The following CD226 variants were observed in gnomAD, a reference collection of about 807,000 sequenced individuals.
The protein encoded by CD226 is CD226 antigen.
CD226 carries 24 observed loss-of-function variants against 34.9 expected under a neutral mutation model. The observed-to-expected ratio is 0.69, with a 90% CI of 0.50 to 0.97. CD226 has a LOEUF of 0.97. Among genes scored for constraint, CD226 ranks in the 50% least tolerant of loss-of-function variants. The pLI is 0.00. For missense variants in CD226, 397 were observed against 412.7 expected, an observed-to-expected ratio of 0.96 and a Z score of 0.33; for synonymous variants, 148 against 147.4, an observed-to-expected ratio of 1.00 and a Z score of -0.03.
intron 3 of CD226, among the ~76,000 whole-genome samples, chr18:69,875,279 A>C (rs1253768569): frequency 6.6e-6 from 1 of 152,196 alleles, no homozygotes; most frequent in Admixed American, 6.5e-5. Context: ...CTGGGATTAC[A>C]GGCACCTGCC....
intron 2 of CD226, among the ~76,000 whole-genome samples, chr18:69,942,756 G>A (rs1248701696): frequency 6.6e-6 from 1 of 152,082 alleles, no homozygotes; most frequent in Non-Finnish European, 1.5e-5. Flanking sequence ...CAGAGCCCAG[G>A]GTGAGAACCA....
At chr18:69,896,603 G>C (rs1453192773) in intron 2 of CD226, among the ~76,000 whole-genome samples, 3 of 152,048 alleles carry the variant, frequency 2.0e-5, no homozygotes, top group African/African-American at 7.2e-5. Flanking sequence ...AGTGTTACTT[G>C]GTTAACCATG....
At chr18:69,871,542 G>A (rs193282698) in intron 4 of CD226, among the ~76,000 whole-genome samples, 13 of 152,270 alleles carry the variant, frequency 8.5e-5, no homozygotes, top group South Asian at 4.1e-4. Context: ...TAGCAGAGAC[G>A]TACACAATGA....
upstream of CD226, among the ~76,000 whole-genome samples, chr18:69,952,128 A>G (rs2055859637): frequency 6.6e-6 from 1 of 152,178 alleles, no homozygotes; most frequent in African/African-American, 2.4e-5. Flanking sequence ...TTGCAGCAAC[A>G]TAGATAGACC....
chr18:69,869,839 C>T (rs1457335633), intron 4 of CD226, among the ~76,000 whole-genome samples: 1 of 132,710 alleles, frequency 7.5e-6, no homozygotes, highest in Non-Finnish European at 1.5e-5. Context: ...CTCGCTCTGT[C>T]ACCCAGGCTG....
At chr18:69,875,978 G>A (rs1005753799) in intron 3 of CD226, among the ~76,000 whole-genome samples, 2 of 152,168 alleles carry the variant, frequency 1.3e-5, no homozygotes, top group African/African-American at 4.8e-5. Flanking sequence ...CTACTATACA[G>A]TATGGATGGT....
chr18:69,927,616 G>A (rs1568197510), intron 2 of CD226, among the ~76,000 whole-genome samples: 1 of 151,884 alleles, frequency 6.6e-6, no homozygotes, highest in Non-Finnish European at 1.5e-5. Flanking sequence ...CCTCATATAA[G>A]TGGAATCACA....
At chr18:69,947,301 C>T (rs1483320849) in intron 1 of CD226, 60 bp downstream of exon 1, 1 of 1,132,156 alleles carries the variant, frequency 8.8e-7, no homozygotes, top group East Asian at 2.3e-5. Context: ...GAATATGCCA[C>T]ACTGTACAAA....
At chr18:69,905,549 A>C (rs2145272272) in intron 2 of CD226, among the ~76,000 whole-genome samples, 1 of 152,278 alleles carries the variant, frequency 6.6e-6, no homozygotes, top group African/African-American at 2.4e-5. Flanking sequence ...GAGTGAGTGG[A>C]AGTGCGGGAT....
At chr18:69,908,142 T>G (rs1338890095) in intron 2 of CD226, among the ~76,000 whole-genome samples, 1 of 152,216 alleles carries the variant, frequency 6.6e-6, no homozygotes, top group Non-Finnish European at 1.5e-5. Flanking sequence ...CGGCTCTCTC[T>G]TTCCACATTT....
At chr18:69,945,220 T>C (rs775404716) in intron 2 of CD226, among the ~76,000 whole-genome samples, 1 of 152,202 alleles carries the variant, frequency 6.6e-6, no homozygotes, top group African/African-American at 2.4e-5. Flanking sequence ...AATAATAAGA[T>C]GTATCATTCT....
At chr18:69,884,746 C>A (rs1041911542) in intron 3 of CD226, among the ~76,000 whole-genome samples, 6 of 152,210 alleles carry the variant, frequency 3.9e-5, no homozygotes, top group Non-Finnish European at 8.8e-5. Context: ...CACACACAGT[C>A]ATCCCCAATT....
At chr18:69,944,298 C>A (rs536522974) in intron 2 of CD226, among the ~76,000 whole-genome samples, 1 of 152,106 alleles carries the variant, frequency 6.6e-6, no homozygotes, top group Non-Finnish European at 1.5e-5. Context: ...TCAAACTAGA[C>A]GGACAGCCGG....
chr18:69,949,147 A>T (rs182574620), upstream of CD226, among the ~76,000 whole-genome samples: 1 of 152,272 alleles, frequency 6.6e-6, no homozygotes, highest in East Asian at 1.9e-4. Flanking sequence ...ACTGAAACGT[A>T]GCAATCAGAA....
At chr18:69,953,668 G>T (rs775074173) in intron 1 of CD226, among the ~76,000 whole-genome samples, 1 of 151,986 alleles carries the variant, frequency 6.6e-6, no homozygotes, top group South Asian at 2.1e-4. Context: ...ACAGAACACT[G>T]TGGATGTACT....
intron 3 of CD226, among the ~76,000 whole-genome samples, chr18:69,890,904 A>T (rs949933216): frequency 2.0e-5 from 3 of 151,950 alleles, no homozygotes; most frequent in African/African-American, 7.3e-5. Context: ...ACAGTTCTAC[A>T]TTATCATGTG....
At chr18:69,927,208 T>C (rs1289832834) in intron 2 of CD226, among the ~76,000 whole-genome samples, 1 of 152,168 alleles carries the variant, frequency 6.6e-6, no homozygotes, top group Admixed American at 6.5e-5. Context: ...GGCGCCGTCT[T>C]GGAAGCAAAG....
chr18:69,942,861 A>G (rs1599029475), intron 2 of CD226, among the ~76,000 whole-genome samples: 1 of 152,176 alleles, frequency 6.6e-6, no homozygotes, highest in Non-Finnish European at 1.5e-5. Flanking sequence ...TTAAGCCATC[A>G]GTACCCCCAG....
chr18:69,918,165 G>A (rs183210938), intron 2 of CD226, among the ~76,000 whole-genome samples: 108 of 152,306 alleles, frequency 7.1e-4, no homozygotes, highest in Non-Finnish European at 1.1e-3. Flanking sequence ...GACCCATCAC[G>A]TCCCTGAAAG....
Sources: gnomAD v4.1 joint callset for allele counts (sites outside exome capture counted in the v4.1 genomes callset) on GRCh38, gnomAD v4.1.1 for gene constraint, MANE v1.5 for transcripts, NCBI Gene and HGNC (gene_info 2026-07-23, HGNC 2026-07-21) for gene names.